RAB40B: variants seen among roughly 807,000 people sequenced by gnomAD.
RAB40B encodes the protein ras-related protein Rab-40B.
In RAB40B, 21 loss-of-function variants were observed where a neutral mutation model predicts 24.0. The ratio of observed to expected loss-of-function variants is 0.88; its 90% CI spans 0.62 to 1.26. The LOEUF (loss-of-function observed/expected upper bound fraction) is 1.26, where lower values mean the gene tolerates loss of function less well. Ranked by LOEUF, RAB40B falls within the 50% of genes most tolerant of loss-of-function variation. The pLI, the probability that RAB40B is intolerant of heterozygous loss-of-function variation, is 0.00. For missense variants in RAB40B, 348 were observed against 390.5 expected (o/e 0.89, Z 0.92); for synonymous variants, 167 against 169.8 (o/e 0.98, Z 0.13).
rs2046618536 is a variant in RAB40B at position 82,697,177 on chromosome 17, C to T, written c.142+1278G>A. ...CCCAAACTCTGCCCATTCCTCACCC[C>T]GTCCCCTAAGCTGAGGTGTGGCCGG... is the stretch of plus-strand genomic sequence containing the variant. On this transcript the variant is annotated intron_variant, in intron 1 of 5. Transcript: ENST00000571995. The surrounding 1 kb of genome is among the most constrained non-coding windows in gnomAD (Gnocchi z 4.9). Among the ~76,000 whole-genome samples the T allele has an allele frequency of 6.6e-6, 1 of 152,134 alleles. No homozygotes were observed. Among genetic ancestry groups the T allele is most frequent in the African/African-American group, 2.4e-5 (1 of 41,416 alleles).
chr17:82,662,085 C>T lies in RAB40B; in HGVS notation c.204-1038G>A, dbSNP rs1474318321. On this transcript the variant is annotated intron_variant, in intron 2 of 5. Transcript: ENST00000571995. Reference sequence around the variant, plus strand: ...GCCCCGCACACGAGACACAACCTCACGGATGAGCGGTGGGACGCGGCATGG... The same window carrying T: ...GCCCCGCACACGAGACACAACCTCATGGATGAGCGGTGGGACGCGGCATGG... The T allele has an allele frequency of 1.1e-5, 11 of 985,354 alleles. No individual in the cohort carries two copies. In the Admixed American group the frequency reaches 1.8e-4, roughly 17 times the overall value. The allele number at this position is 985,354 out of a possible 1,614,324, so 61.0% of individuals were successfully genotyped here. A position where few individuals can be genotyped will look rare whatever the true frequency, so the allele number is the denominator to read the frequency against.
In RAB40B at chr17:82,667,464, G is replaced by A. The variant is rs2046272173; in HGVS notation, c.143-2908C>T. 6.6e-6 allele frequency among the ~76,000 whole-genome samples: 1 copy of A among 151,996 alleles called. No homozygotes were observed. Among genetic ancestry groups the A allele is most frequent in the Non-Finnish European group, 1.5e-5 (1 of 68,000 alleles). On this transcript the variant is annotated intron_variant, in intron 1 of 5. Transcript: ENST00000571995. The surrounding 1 kb of genome is among the most constrained non-coding windows in gnomAD (Gnocchi z 4.3). The stretch of plus-strand genomic sequence containing the variant: ...TGTGCAGCGCCTTCCATGAGATCCC[G>A]AGCACCCCTCCCTCCCACAGCTGCT...
intron 1 of RAB40B, among the ~76,000 whole-genome samples, chr17:82,669,066 G>C (rs750348603): frequency 1.3e-5 from 2 of 152,230 alleles, no homozygotes; most frequent in African/African-American, 4.8e-5. Context: ...AGCCAGGCAC[G>C]GTGGCTCACG....
rs796443032 is a variant in RAB40B at position 82,662,158 on chromosome 17, C to T, written c.204-1111G>A. 45 of 985,462 alleles carry T rather than the reference C, an allele frequency of 4.6e-5. No homozygotes were observed. The African/African-American group carries it at 7.0e-4, about 15-fold the overall frequency. 61.0% of individuals were successfully genotyped at this position (985,462 alleles called of 1,614,324 possible). A position where few individuals can be genotyped will look rare whatever the true frequency, so the allele number is the denominator to read the frequency against. ...ACCTGTGGTCGGTGACCACCCTCAG[C>T]ACGAGAGAGAAGGGCCTGGGGCTCC... On this transcript the variant is annotated intron_variant, in intron 2 of 5. Transcript: ENST00000571995.
At position 82,683,722 on chromosome 17, in the gene RAB40B, T is replaced by G. The variant is rs113722770; in HGVS notation, c.142+14733A>C. 7.1e-3 allele frequency among the ~76,000 whole-genome samples: 1,066 copies of G among 150,866 alleles called. 13 individuals are homozygous for G. The highest frequency in any genetic ancestry group is 0.024 in the African/African-American group (989 of 41,062). The stretch of plus-strand genomic sequence containing the variant: ...TGGGGAAACAGGTGGGAGGATCACT[T>G]GAGCCCAGTAGGTGGAGACTGCAGT... On this transcript the variant is annotated intron_variant, in intron 1 of 5. Transcript: ENST00000571995.
intron 1 of RAB40B, among the ~76,000 whole-genome samples, chr17:82,694,680 T>C (rs1289650662): frequency 6.6e-6 from 1 of 151,522 alleles, no homozygotes; most frequent in East Asian, 1.9e-4. Context: ...AAAGAATTCC[T>C]CAGAAATTCA....
chr17:82,684,178 G>C (rs1405809063), intron 1 of RAB40B, among the ~76,000 whole-genome samples: 3 of 139,732 alleles, frequency 2.1e-5, no homozygotes, highest in Non-Finnish European at 4.5e-5. Flanking sequence ...CCAAGATTGC[G>C]CTTTTGCACT....
intron 1 of RAB40B, among the ~76,000 whole-genome samples, chr17:82,672,350 ACGCTCCC>A: frequency 6.7e-6 from 1 of 148,222 alleles, no homozygotes; most frequent in Non-Finnish European, 1.5e-5. Context: ...ACACACTCAC[ACGCTCCC>A]TGTACCCACT....
chr17:82,678,922 G>A (rs1338975149), intron 1 of RAB40B, among the ~76,000 whole-genome samples: 5 of 120,314 alleles, frequency 4.2e-5, no homozygotes, highest in African/African-American at 6.4e-5. Flanking sequence ...TCGCTCTGTC[G>A]CCCAGGCTGG....
At chr17:82,688,605 A>G (rs1381682937) in intron 1 of RAB40B, among the ~76,000 whole-genome samples, 1 of 148,974 alleles carries the variant, frequency 6.7e-6, no homozygotes, top group African/African-American at 2.5e-5. Context: ...ACAAAGCGAG[A>G]CTCCGTCTCA....
chr17:82,658,234 G>A (rs1374634752), intron 5 of RAB40B, 100 bp from the exon 6 acceptor site: 11 of 1,485,792 alleles, frequency 7.4e-6, no homozygotes, highest in East Asian at 2.3e-5. Context: ...CCCAAGGCTC[G>A]GACGCCCGTG....
At chr17:82,659,198 G>A (rs1321925589) in intron 4 of RAB40B, 2 of 297,074 alleles carry the variant, frequency 6.7e-6, no homozygotes, top group South Asian at 4.1e-5. Context: ...TGGGCTTAGT[G>A]TCGACCACGC....
intron 2 of RAB40B, chr17:82,662,036 G>A: frequency 1.0e-6 from 1 of 985,472 alleles, no homozygotes. Flanking sequence ...ATCAATGGGA[G>A]ATTCCCCAGT....
In RAB40B at chr17:82,655,044, C is replaced by T. The variant is rs1191756227; in HGVS notation, c.*2819G>A. ...CACACAGTCTTCTACTTAGTCCGGT[C>T]TGTATTAGGTTTCGTCTGTTTTTGT... On this transcript the variant is annotated 3_prime_UTR_variant, in exon 6 of 6. Coordinates refer to ENST00000571995, the MANE Select transcript of RAB40B (RefSeq NM_006822.3). 8 of 152,180 alleles carry T rather than the reference C, an allele frequency of 5.3e-5. No homozygotes were observed. Among genetic ancestry groups the T allele is most frequent in the Non-Finnish European group, 1.5e-5 (1 of 68,048 alleles). 9.4% of individuals were successfully genotyped at this position (152,180 alleles called of 1,614,324 possible). A position where few individuals can be genotyped will look rare whatever the true frequency, so the allele number is the denominator to read the frequency against.
intron 2 of RAB40B, chr17:82,662,217 C>T: frequency 1.0e-6 from 1 of 985,460 alleles, no homozygotes; most frequent in Non-Finnish European, 1.2e-6. Flanking sequence ...ATTGCCAAAG[C>T]CTAGGAGTGA....
rs151333600 is a variant in RAB40B at position 82,668,664 on chromosome 17, G to A, written c.143-4108C>T. ...ACTGTGCTCCACGACTGGAGCGGGCGTGGGGAGTGAGGAGAGGCCAGGCAT... is the reference window on the plus strand; with the variant it reads ...ACTGTGCTCCACGACTGGAGCGGGCATGGGGAGTGAGGAGAGGCCAGGCAT... On this transcript the variant is annotated intron_variant, in intron 1 of 5. Transcript: ENST00000571995. 1.1e-4 allele frequency among the ~76,000 whole-genome samples: 17 copies of A among 152,372 alleles called. No homozygotes were observed. The East Asian group carries it at 2.9e-3, about 26-fold the overall frequency.
Position 82,657,993 on chromosome 17 carries a change from A to T in RAB40B, c.707T>A (p.Met236Lys), listed in dbSNP as rs1341899556. Residue 236 changes from methionine to lysine, a missense_variant, in exon 6 of 6, where the codon ATG (methionine) becomes AAG (lysine). This residue lies in a region of RAB40B where 121 missense variants were observed against 124.0 expected (regional missense o/e 0.98). Transcript: ENST00000571995. ...GGTGAGGGAGTAGGAACCGCCGTGC[A>T]TCATCCTGGCATTCAGGCCGTTGGC... ...SMANGLNARM[M>K]HGGSYSLTTS... 1 of 1,614,024 alleles carries T rather than the reference A, an allele frequency of 6.2e-7. No homozygotes were observed. The highest frequency in any genetic ancestry group is 8.5e-7 in the Non-Finnish European group (1 of 1,180,026).
chr17:82,679,106 A>G (rs1598309538), intron 1 of RAB40B, among the ~76,000 whole-genome samples: 1 of 150,074 alleles, frequency 6.7e-6, no homozygotes, highest in Middle Eastern at 3.5e-3. Flanking sequence ...GATAGTCTCG[A>G]TCTCCTGACC....
chr17:82,693,226 C>T (rs1295512028), intron 1 of RAB40B, among the ~76,000 whole-genome samples: 1 of 152,024 alleles, frequency 6.6e-6, no homozygotes. Context: ...AGGCTGGTCT[C>T]GAACTCTTGA....
Sources: gnomAD v4.1 joint callset for allele counts (sites outside exome capture counted in the v4.1 genomes callset) on GRCh38, gnomAD v4.1.1 for gene constraint, gnomAD v4.1.1 regional missense constraint, Gnocchi (gnomAD v3.1) non-coding constraint, MANE v1.5 for transcripts, NCBI Gene and HGNC (gene_info 2026-07-23, HGNC 2026-07-21) for gene names.